CDH7: variants seen among roughly 807,000 people sequenced by gnomAD.
CDH7 encodes the protein cadherin 7, also known as cadherin-7.
Under a neutral mutation model 71.8 loss-of-function variants are expected in CDH7, and 25 were observed. The ratio of observed to expected loss-of-function variants is 0.35; its 90% confidence interval spans 0.25 to 0.49. The LOEUF is 0.49. CDH7 is among the 20% of genes least tolerant of loss of function. The probability of loss-of-function intolerance (pLI) is 0.99; values close to 1 mark genes in which losing one functional copy is unlikely to be tolerated. For missense variants in CDH7, 862 were observed against 974.6 expected, an observed-to-expected ratio of 0.88 and a Z score of 1.54; for synonymous variants, 381 against 363.8, an observed-to-expected ratio of 1.05 and a Z score of -0.54.
intron 1 of CDH7, among the ~76,000 whole-genome samples, chr18:65,759,434 A>G (rs1287591361): frequency 1.4e-5 from 2 of 147,578 alleles, no homozygotes; most frequent in Admixed American, 1.4e-4. Context: ...TTTAATTTTT[A>G]GTAGAGACAG....
At chr18:65,860,182 A>G (rs1000503740) in intron 10 of CDH7, among the ~76,000 whole-genome samples, 3 of 152,214 alleles carry the variant, frequency 2.0e-5, no homozygotes, top group Non-Finnish European at 4.4e-5. Context: ...AACTTGAGAC[A>G]TAAGAAAAAG....
chr18:65,867,263 C>T (rs1290460255), intron 11 of CDH7, among the ~76,000 whole-genome samples: 2 of 152,080 alleles, frequency 1.3e-5, no homozygotes, highest in East Asian at 3.9e-4. Context: ...TCTCGATCTC[C>T]TGACCTCGTG....
intron 2 of CDH7, among the ~76,000 whole-genome samples, chr18:65,771,403 G>C (rs1333102602): frequency 6.6e-6 from 1 of 152,066 alleles, no homozygotes; most frequent in Non-Finnish European, 1.5e-5. Context: ...ATTTTGAGAG[G>C]CTGAGATGTG....
At chr18:65,773,514 C>T (rs1318595237) in intron 2 of CDH7, among the ~76,000 whole-genome samples, 1 of 152,064 alleles carries the variant, frequency 6.6e-6, no homozygotes, top group Non-Finnish European at 1.5e-5. Flanking sequence ...CTTGAAAATA[C>T]ACATTTCAGA....
chr18:65,787,975 G>A (rs1297451608), intron 2 of CDH7, among the ~76,000 whole-genome samples: 1 of 152,138 alleles, frequency 6.6e-6, no homozygotes, highest in African/African-American at 2.4e-5. Flanking sequence ...CAGATTAAAT[G>A]ATACTAAAAT....
chr18:65,794,714 G>A (rs1026649498), intron 2 of CDH7, among the ~76,000 whole-genome samples: 1 of 152,202 alleles, frequency 6.6e-6, no homozygotes. Flanking sequence ...TCTTCCGAGA[G>A]GAGATGGGTG....
intron 7 of CDH7, among the ~76,000 whole-genome samples, chr18:65,844,770 TA>T (rs1387338850): frequency 6.6e-6 from 1 of 152,096 alleles, no homozygotes; most frequent in African/African-American, 2.4e-5. Flanking sequence ...GTGTGAGACT[TA>T]TTTTTTTGAG....
rs776653639 is a variant in CDH7, at chr18:65,884,584, T to C, written c.*3690T>C. The C allele has an allele frequency of 6.6e-6, 1 of 152,196 alleles. No individual in the cohort carries two copies. Among genetic ancestry groups the C allele is most frequent in the Non-Finnish European group, 1.5e-5 (1 of 68,032 alleles). The allele number at this position is 152,196 out of a possible 1,614,324, so 9.4% of individuals were successfully genotyped here. On this transcript the variant is annotated 3_prime_UTR_variant, in exon 12 of 12. Coordinates refer to ENST00000397968, the MANE Select transcript of CDH7 (RefSeq NM_004361.5). ...TGGTAGACATAGGCAATTATTTTCA[T>C]GTCAACGGCATAGTTACACAATGTA...
At chr18:65,783,357 T>C (rs892353733) in intron 2 of CDH7, among the ~76,000 whole-genome samples, 16 of 152,162 alleles carry the variant, frequency 1.1e-4, no homozygotes, top group African/African-American at 3.4e-4. Flanking sequence ...TCTGAAAAGC[T>C]TATAACATCA....
intron 2 of CDH7, among the ~76,000 whole-genome samples, chr18:65,808,434 C>G (rs1385981922): frequency 6.6e-6 from 1 of 152,122 alleles, no homozygotes; most frequent in African/African-American, 2.4e-5. Flanking sequence ...GGCTTAGGAT[C>G]CACTAGATAA....
intron 5 of CDH7, among the ~76,000 whole-genome samples, chr18:65,824,258 A>G (rs1912044227): frequency 6.6e-6 from 1 of 150,784 alleles, no homozygotes; most frequent in African/African-American, 2.5e-5. Flanking sequence ...AATCTATTCT[A>G]TTTTTATTTC....
Position 65,809,745 on chromosome 18 carries a change from C to T in CDH7, c.252C>T (p.Tyr84=), listed in dbSNP as rs756740303. 3.7e-6 allele frequency: 6 copies of T among 1,613,888 alleles called. No homozygotes were observed. Among genetic ancestry groups the T allele is most frequent in the Non-Finnish European group, 4.2e-6 (5 of 1,179,972 alleles). The change falls in exon 3 of 12, where the codon TAC becomes TAT. Residue 84 remains tyrosine (Y), a synonymous_variant. Coordinates refer to ENST00000397968, the MANE Select transcript of CDH7 (RefSeq NM_004361.5). ...DVDKGDGSIK[Y]ILSGEGASSI... ...ATAAAGGAGATGGTTCCATCAAATACATCTTGTCAGGCGAAGGGGCAAGTT... is the reference window on the plus strand; with the variant it reads ...ATAAAGGAGATGGTTCCATCAAATATATCTTGTCAGGCGAAGGGGCAAGTT...
intron 3 of CDH7, among the ~76,000 whole-genome samples, chr18:65,812,991 T>C (rs894961925): frequency 3.9e-5 from 6 of 152,224 alleles, no homozygotes. Context: ...ATTTACCATC[T>C]TGTCCCCACC....
intron 11 of CDH7, among the ~76,000 whole-genome samples, chr18:65,871,312 A>C (rs1420949151): frequency 1.3e-5 from 2 of 152,210 alleles, no homozygotes; most frequent in Non-Finnish European, 2.9e-5. Flanking sequence ...CTTAATCTTC[A>C]TAAAGTTACT....
At chr18:65,800,912 T>C (rs2143882523) in intron 2 of CDH7, among the ~76,000 whole-genome samples, 1 of 152,280 alleles carries the variant, frequency 6.6e-6, no homozygotes, top group Admixed American at 6.5e-5. Context: ...ATTGTGAAAC[T>C]AACTCTTAGG....
At chr18:65,766,226 A>G (rs1916361736) in intron 2 of CDH7, among the ~76,000 whole-genome samples, 1 of 152,170 alleles carries the variant, frequency 6.6e-6, no homozygotes, top group Non-Finnish European at 1.5e-5. Flanking sequence ...CAGAAATTAT[A>G]TCTGTGAGTC....
Position 65,886,218 on chromosome 18 carries a change from A to T in CDH7, c.*5324A>T, listed in dbSNP as rs1464791755. ...AAGACTGTGTAAACAGTAAAACACTATAAAAAGATAAAGCTTTATTATGGG... is the reference window on the plus strand; with the variant it reads ...AAGACTGTGTAAACAGTAAAACACTTTAAAAAGATAAAGCTTTATTATGGG... On this transcript the variant is annotated 3_prime_UTR_variant, in exon 12 of 12. Transcript: ENST00000397968. 1 of 152,218 alleles carries T rather than the reference A, an allele frequency of 6.6e-6. No homozygotes were observed. The highest frequency in any genetic ancestry group is 1.5e-5 in the Non-Finnish European group (1 of 68,044). The allele number at this position is 152,218 out of a possible 1,614,324, so 9.4% of individuals were successfully genotyped here.
chr18:65,849,454 C>A (rs1913069915), intron 7 of CDH7, among the ~76,000 whole-genome samples: 1 of 143,170 alleles, frequency 7.0e-6, no homozygotes, highest in Non-Finnish European at 1.5e-5. Context: ...TTTTCTTTTG[C>A]CTGGCTGGAG....
chr18:65,829,775 A>AGTGT (rs3061822), intron 6 of CDH7, among the ~76,000 whole-genome samples: 33,876 of 137,930 alleles, frequency 0.25, 4,073 homozygotes, highest in Middle Eastern at 0.29. Flanking sequence ...CAAGGAAGGG[A>AGTGT]GTGTGTGTGT....
Sources: allele counts gnomAD v4.1 joint callset (sites outside exome capture counted in the v4.1 genomes callset), GRCh38; gene constraint gnomAD v4.1.1; transcripts MANE v1.5; gene names NCBI Gene and HGNC (gene_info 2026-07-23, HGNC 2026-07-21).